Variants in SPATA16 observed in about 807,000 individuals in gnomAD.
SPATA16 encodes spermatogenesis-associated protein 16.
SPATA16 carries 36 observed loss-of-function variants against 63.3 expected under a neutral mutation model. The observed-to-expected ratio is 0.57, with a 90% CI of 0.44 to 0.75. The LOEUF (loss-of-function observed/expected upper bound fraction) is 0.75. Among genes scored for constraint, SPATA16 ranks in the 30% least tolerant of loss-of-function variants. The pLI is 0.00. For missense variants in SPATA16, 646 were observed against 679.3 expected (o/e 0.95, Z 0.54); for synonymous variants, 203 against 216.7 (o/e 0.94, Z 0.56).
chr3:172,956,920 T>G, intron 5 of SPATA16, 96 bp from the exon 6 acceptor site: 1 of 1,407,864 alleles, frequency 7.1e-7, no homozygotes, highest in Non-Finnish European at 9.9e-7. Context: ...GACTTAAAAA[T>G]CTATATACTG....
At chr3:172,937,303 G>A (rs1021470814) in intron 6 of SPATA16, among the ~76,000 whole-genome samples, 2 of 152,164 alleles carry the variant, frequency 1.3e-5, no homozygotes, top group South Asian at 4.2e-4. Context: ...ATGGTATGGA[G>A]CAGCAGCTGT....
At chr3:172,958,833 G>A (rs1733669491) in intron 5 of SPATA16, among the ~76,000 whole-genome samples, 1 of 152,006 alleles carries the variant, frequency 6.6e-6, no homozygotes, top group Non-Finnish European at 1.5e-5. Context: ...TAAGCATGCA[G>A]TCATATTGGA....
At chr3:173,115,937 G>A (rs1174745442) in intron 2 of SPATA16, among the ~76,000 whole-genome samples, 1 of 149,402 alleles carries the variant, frequency 6.7e-6, no homozygotes, top group Non-Finnish European at 1.5e-5. Context: ...CTGTTGCCCA[G>A]CCTGGAATGC....
At chr3:173,015,889 TGTGTAA>T (rs1357268722) in intron 4 of SPATA16, among the ~76,000 whole-genome samples, 4 of 149,800 alleles carry the variant, frequency 2.7e-5, no homozygotes, top group African/African-American at 1.0e-4. Flanking sequence ...TGTGTGTGTG[TGTGTAA>T]GTATGAGTGC....
At chr3:172,968,602 G>C (rs1409476021) in intron 5 of SPATA16, among the ~76,000 whole-genome samples, 1 of 152,130 alleles carries the variant, frequency 6.6e-6, no homozygotes, top group Non-Finnish European at 1.5e-5. Context: ...TCAGGTTCTT[G>C]CCTCTCTCCC....
chr3:172,890,928 T>C (rs893822893), intron 10 of SPATA16, among the ~76,000 whole-genome samples: 4 of 141,424 alleles, frequency 2.8e-5, no homozygotes, highest in African/African-American at 9.9e-5. Context: ...TCCATGAAGT[T>C]AATGCATTAT....
At chr3:173,075,008 A>AAAAAAAG (rs1560114977) in intron 2 of SPATA16, among the ~76,000 whole-genome samples, 1 of 146,128 alleles carries the variant, frequency 6.8e-6, no homozygotes, top group Non-Finnish European at 1.5e-5. Context: ...AAAAAAAAAA[A>AAAAAAAG]AAAAGGAAAG....
rs368731316 is a variant in SPATA16, at chr3:172,948,563, G to A, written c.1081+8114C>T. Reference sequence around the variant, plus strand: ...GCTCACTGCAGCCTTGACCTCCTAGGCTCAAGTGACCCTCCCACTCAGCCA... The same window carrying A: ...GCTCACTGCAGCCTTGACCTCCTAGACTCAAGTGACCCTCCCACTCAGCCA... On this transcript the variant is annotated intron_variant, in intron 6 of 10. Coordinates refer to ENST00000351008, the MANE Select transcript of SPATA16 (RefSeq NM_031955.6). 3.3e-5 allele frequency among the ~76,000 whole-genome samples: 5 copies of A among 151,952 alleles called. No homozygotes were observed. The East Asian group carries it at 9.7e-4, about 29-fold the overall frequency.
At chr3:173,134,465 G>A (rs1466076655) in intron 1 of SPATA16, among the ~76,000 whole-genome samples, 2 of 151,890 alleles carry the variant, frequency 1.3e-5, no homozygotes, top group Non-Finnish European at 2.9e-5. Flanking sequence ...CTCCGGCCTG[G>A]GTGACAGAGC....
chr3:173,059,373 C>T (rs1178954985), intron 2 of SPATA16, among the ~76,000 whole-genome samples: 2 of 149,148 alleles, frequency 1.3e-5, no homozygotes, highest in Non-Finnish European at 3.0e-5. Context: ...CTCTTCATCT[C>T]CAATGTGATA....
intron 2 of SPATA16, among the ~76,000 whole-genome samples, chr3:173,094,827 C>T (rs1367327363): frequency 2.0e-5 from 3 of 152,034 alleles, no homozygotes; most frequent in African/African-American, 4.8e-5. Context: ...CAGTCAGCCT[C>T]GGAGCAGCTC....
At chr3:172,912,679 T>A (rs1401905439) in intron 10 of SPATA16, among the ~76,000 whole-genome samples, 2 of 152,232 alleles carry the variant, frequency 1.3e-5, no homozygotes, top group African/African-American at 4.8e-5. Flanking sequence ...TTTTCTTTTT[T>A]CTAGCTTACA....
chr3:172,899,312 T>C lies in SPATA16; in HGVS notation c.1588-9620A>G, dbSNP rs1368395733. On this transcript the variant is annotated intron_variant, in intron 10 of 10. Coordinates refer to ENST00000351008, the MANE Select transcript of SPATA16 (RefSeq NM_031955.6). ...TGCTTCATATATTTTGCAGACCCTC[T>C]TGTTTGTGCATACACTTAGAATCGC... is the stretch of plus-strand genomic sequence containing the variant. Among the ~76,000 whole-genome samples the C allele has an allele frequency of 2.0e-5, 3 of 152,198 alleles. No homozygotes were observed. In the East Asian group the frequency reaches 5.8e-4, roughly 29 times the overall value.
At chr3:173,114,986 T>G (rs1737856608) in intron 2 of SPATA16, among the ~76,000 whole-genome samples, 1 of 152,194 alleles carries the variant, frequency 6.6e-6, no homozygotes, top group African/African-American at 2.4e-5. Context: ...AAGCTAAGTT[T>G]TGGTTTCAAA....
At chr3:173,033,175 TA>T (rs1415412865) in intron 3 of SPATA16, among the ~76,000 whole-genome samples, 2 of 152,176 alleles carry the variant, frequency 1.3e-5, no homozygotes, top group African/African-American at 2.4e-5. Flanking sequence ...AAAAAATATA[TA>T]TTTTTTTATA....
chr3:172,903,226 C>G (rs1732160629), intron 10 of SPATA16, among the ~76,000 whole-genome samples: 1 of 152,242 alleles, frequency 6.6e-6, no homozygotes, highest in African/African-American at 2.4e-5. Context: ...GAAGGAACTA[C>G]AAACTTACTC....
At chr3:172,958,295 A>G (rs1296067829) in intron 5 of SPATA16, among the ~76,000 whole-genome samples, 5 of 152,220 alleles carry the variant, frequency 3.3e-5, no homozygotes, top group Non-Finnish European at 7.3e-5. Flanking sequence ...CAGGTCTGGG[A>G]TTCAGAGTTG....
intron 6 of SPATA16, among the ~76,000 whole-genome samples, chr3:172,942,166 A>C (rs9859720): frequency 0.033 from 5,035 of 152,268 alleles, 268 homozygotes; most frequent in African/African-American, 0.12. Flanking sequence ...TATGGTGAAC[A>C]GACAGAGATT....
intron 4 of SPATA16, among the ~76,000 whole-genome samples, chr3:172,982,726 T>C (rs760809977): frequency 3.9e-5 from 6 of 152,224 alleles, no homozygotes; most frequent in Non-Finnish European, 8.8e-5. Context: ...TATTTATTTA[T>C]TTGTAATTAA....
Sources: gnomAD v4.1 joint callset for allele counts (sites outside exome capture counted in the v4.1 genomes callset) on GRCh38, gnomAD v4.1.1 for gene constraint, MANE v1.5 for transcripts, NCBI Gene and HGNC (gene_info 2026-07-23, HGNC 2026-07-21) for gene names.